MACROD2: variants seen among roughly 807,000 people sequenced by gnomAD.
MACROD2 encodes the protein ADP-ribose glycohydrolase MACROD2.
A neutral mutation model predicts 70.4 loss-of-function variants in MACROD2; 36 were observed. The observed-to-expected ratio is 0.51, with a 90% CI of 0.39 to 0.68. The LOEUF is 0.68. Among genes scored for constraint, MACROD2 ranks in the 30% least tolerant of loss-of-function variants. The pLI, the probability that MACROD2 is intolerant of heterozygous loss-of-function variation, is 0.00. For synonymous variants in MACROD2, 172 were observed against 178.8 expected, an observed-to-expected ratio of 0.96 and a Z score of 0.30; for missense variants, 496 against 538.4, an observed-to-expected ratio of 0.92 and a Z score of 0.78.
intron 3 of MACROD2, among the ~76,000 whole-genome samples, chr20:14,475,712 C>T (rs1396250022): frequency 6.6e-6 from 1 of 152,114 alleles, no homozygotes; most frequent in East Asian, 1.9e-4. Flanking sequence ...AATATATCAT[C>T]CCACTCCCTT....
At chr20:14,609,968 C>T (rs1244509045) in intron 4 of MACROD2, among the ~76,000 whole-genome samples, 4 of 152,162 alleles carry the variant, frequency 2.6e-5, no homozygotes, top group East Asian at 1.9e-4. Context: ...CTTCTTTTTT[C>T]GTATTTTGTA....
chr20:14,598,007 G>C (rs1982252822), intron 4 of MACROD2, among the ~76,000 whole-genome samples: 1 of 152,032 alleles, frequency 6.6e-6, no homozygotes, highest in Non-Finnish European at 1.5e-5. Context: ...AAACAAATCT[G>C]TGCTTCTCTA....
chr20:14,931,122 C>T (rs1404673156), intron 5 of MACROD2, among the ~76,000 whole-genome samples: 1 of 152,006 alleles, frequency 6.6e-6, no homozygotes, highest in Non-Finnish European at 1.5e-5. Context: ...TTTTCTTATT[C>T]AGAATAAAAT....
rs144339138 is a variant in MACROD2 at position 15,330,638 on chromosome 20, A to T, written c.540+100577A>T. ...TTAGATGATCACAGCAAGAAAAAAA[A>T]ATGTGCCAAAGCTAATTCAGGAAAC... On this transcript the variant is annotated intron_variant, in intron 6 of 17. Coordinates refer to ENST00000684519, the MANE Select transcript of MACROD2 (RefSeq NM_001351661.2). Among the ~76,000 whole-genome samples the T allele has an allele frequency of 1.1e-4, 16 of 151,708 alleles. 1 individual carries two copies. Among genetic ancestry groups the T allele is most frequent in the African/African-American group, 3.9e-4 (16 of 41,072 alleles).
At chr20:15,530,716 C>CAAAAAAA (rs57826871) in intron 8 of MACROD2, among the ~76,000 whole-genome samples, 3 of 90,552 alleles carry the variant, frequency 3.3e-5, no homozygotes, top group African/African-American at 7.7e-5. Flanking sequence ...CTCCATCTCA[C>CAAAAAAA]AAAAAAAAAA....
At chr20:14,137,928 C>T (rs1041280900) in intron 3 of MACROD2, among the ~76,000 whole-genome samples, 1 of 152,032 alleles carries the variant, frequency 6.6e-6, no homozygotes, top group Non-Finnish European at 1.5e-5. Flanking sequence ...TCAGTAAAAA[C>T]AAAACACCAA....
chr20:15,372,800 C>G (rs2045510897), intron 6 of MACROD2, among the ~76,000 whole-genome samples: 1 of 152,076 alleles, frequency 6.6e-6, no homozygotes. Flanking sequence ...GTCTGTAATC[C>G]CAGTCCTTTG....
At chr20:14,949,364 G>A (rs907971140) in intron 5 of MACROD2, among the ~76,000 whole-genome samples, 4 of 152,066 alleles carry the variant, frequency 2.6e-5, no homozygotes, top group Admixed American at 2.0e-4. Context: ...TGTTATTTTA[G>A]CAATTGCAAA....
At chr20:16,017,478 G>A (rs1378989503) in intron 15 of MACROD2, among the ~76,000 whole-genome samples, 1 of 152,166 alleles carries the variant, frequency 6.6e-6, no homozygotes, top group Non-Finnish European at 1.5e-5. Context: ...TGCAGAACTG[G>A]TTGAATTTCT....
intron 5 of MACROD2, among the ~76,000 whole-genome samples, chr20:15,027,726 G>GA (rs1157913335): frequency 2.1e-5 from 3 of 146,298 alleles, no homozygotes; most frequent in East Asian, 2.0e-4. Flanking sequence ...AAAAAAAAAT[G>GA]AAAAAAAATT....
intron 17 of MACROD2, among the ~76,000 whole-genome samples, chr20:16,045,824 G>T (rs2067372374): frequency 6.6e-6 from 1 of 151,994 alleles, no homozygotes; most frequent in South Asian, 2.1e-4. Context: ...CTGGACGGGG[G>T]CAGCGGGGAG....
intron 12 of MACROD2, among the ~76,000 whole-genome samples, chr20:15,947,452 A>G (rs941138329): frequency 6.6e-6 from 1 of 152,144 alleles, no homozygotes; most frequent in Non-Finnish European, 1.5e-5. Context: ...CATTATGTTA[A>G]CAAGGCATAT....
chr20:15,472,651 GT>G, intron 7 of MACROD2, among the ~76,000 whole-genome samples: 1 of 151,806 alleles, frequency 6.6e-6, no homozygotes, highest in Non-Finnish European at 1.5e-5. Flanking sequence ...CTCCACATCT[GT>G]TGAATATTTC....
At chr20:15,190,287 AG>A (rs2076561606) in intron 5 of MACROD2, among the ~76,000 whole-genome samples, 1 of 152,100 alleles carries the variant, frequency 6.6e-6, no homozygotes, top group Non-Finnish European at 1.5e-5. Context: ...AGACACCTTA[AG>A]GAAAGGAGTG....
In MACROD2 at chr20:14,550,980, A is replaced by ATTTGCTGTTACCC. The variant is rs778318601; in HGVS notation, c.301+57476_301+57488dup. On this transcript the variant is annotated intron_variant, in intron 4 of 17. Coordinates refer to ENST00000684519, the MANE Select transcript of MACROD2 (RefSeq NM_001351661.2). ...TTGCATTATTTTTTGAACTGCTTATATTTGCTGTTACCCTTTCTTTTATGC... is the reference window on the plus strand; with the variant it reads ...TTGCATTATTTTTTGAACTGCTTATATTTGCTGTTACCCTTTGCTGTTACCCTTTCTTTTATGC... Among the ~76,000 whole-genome samples the ATTTGCTGTTACCC allele has an allele frequency of 2.0e-5, 3 of 151,454 alleles. 1 individual carries two copies. Among genetic ancestry groups the ATTTGCTGTTACCC allele is most frequent in the Non-Finnish European group, 2.9e-5 (2 of 67,904 alleles).
intron 2 of MACROD2, among the ~76,000 whole-genome samples, chr20:14,074,855 G>T (rs2053897134): frequency 6.6e-6 from 1 of 152,178 alleles, no homozygotes; most frequent in African/African-American, 2.4e-5. Flanking sequence ...TAAATAATTT[G>T]TAAGCTTTAA....
chr20:15,104,268 G>A (rs971649619), intron 5 of MACROD2, among the ~76,000 whole-genome samples: 2 of 152,032 alleles, frequency 1.3e-5, no homozygotes, highest in African/African-American at 4.8e-5. Context: ...TATGATAGTA[G>A]GATAAGTTCT....
At chr20:15,034,979 A>G (rs2075302499) in intron 5 of MACROD2, among the ~76,000 whole-genome samples, 1 of 152,154 alleles carries the variant, frequency 6.6e-6, no homozygotes, top group African/African-American at 2.4e-5. Flanking sequence ...CTAGAAGTAG[A>G]ATTGCTGGAT....
chr20:14,142,647 T>C (rs1179120718), intron 3 of MACROD2, among the ~76,000 whole-genome samples: 1 of 152,226 alleles, frequency 6.6e-6, no homozygotes, highest in Non-Finnish European at 1.5e-5. Context: ...TTGGTATCAA[T>C]AGCATTTTGT....
Sources: gnomAD v4.1 joint callset for allele counts (sites outside exome capture counted in the v4.1 genomes callset) on GRCh38, gnomAD v4.1.1 for gene constraint, MANE v1.5 for transcripts, NCBI Gene and HGNC (gene_info 2026-07-23, HGNC 2026-07-21) for gene names.